The following TOX variants were observed in gnomAD, a reference collection of about 807,000 sequenced individuals.
The protein encoded by TOX is thymocyte selection associated high mobility group box, also known as thymocyte selection-associated high mobility group box protein TOX.
TOX carries 11 observed loss-of-function variants against 53.7 expected under a neutral mutation model. That is an observed-to-expected ratio of 0.20 (90% CI 0.13 to 0.34). The LOEUF (loss-of-function observed/expected upper bound fraction) is 0.34, where lower values mean the gene tolerates loss of function less well. Ranked by LOEUF, TOX falls within the 10% of genes least tolerant of loss-of-function variation. TOX has a pLI of 1.00. For synonymous variants in TOX, 225 were observed against 245.3 expected, an observed-to-expected ratio of 0.92 and a Z score of 0.77; for missense variants, 570 against 664.6, an observed-to-expected ratio of 0.86 and a Z score of 1.56.
rs749300182 is a variant in TOX at position 59,118,997 on chromosome 8, A to T, written c.-10T>A. On this transcript the variant is annotated 5_prime_UTR_variant, in exon 1 of 9. The change abolishes the stop of an existing upstream ORF in the 5' untranslated region. Transcript: ENST00000361421. The surrounding 1 kb of genome is among the most constrained non-coding windows in gnomAD (Gnocchi z 4.1). ...AAAATCTTACGTCCATTTCACTCTC[A>T]CATCAAGCAACTCCTTTTCTTTTTC... The T allele has an allele frequency of 1.9e-6, 3 of 1,565,656 alleles. No individual in the cohort carries two copies. Among genetic ancestry groups the T allele is most frequent in the South Asian group, 1.1e-5 (1 of 89,826 alleles).
intron 2 of TOX, among the ~76,000 whole-genome samples, chr8:58,947,917 A>G (rs1331915672): frequency 6.6e-6 from 1 of 152,252 alleles, no homozygotes; most frequent in Non-Finnish European, 1.5e-5. Flanking sequence ...CAGGTTCAAC[A>G]GCAAGGTCAG....
chr8:59,009,506 G>A (rs1813859648), intron 1 of TOX, among the ~76,000 whole-genome samples: 1 of 152,050 alleles, frequency 6.6e-6, no homozygotes, highest in Non-Finnish European at 1.5e-5. Context: ...CTGAGTAGCT[G>A]GGACTACAGA....
chr8:58,855,322 A>T (rs1810896218), intron 3 of TOX, among the ~76,000 whole-genome samples: 1 of 152,198 alleles, frequency 6.6e-6, no homozygotes, highest in African/African-American at 2.4e-5. Flanking sequence ...TGCTTGTGAG[A>T]CATTACTACT....
At chr8:58,965,894 GTTTTTTTTTTTTTTT>G (rs67045037) in intron 1 of TOX, among the ~76,000 whole-genome samples, 2 of 49,616 alleles carry the variant, frequency 4.0e-5, no homozygotes, top group East Asian at 8.1e-4. Flanking sequence ...ACGAGTCATC[GTTTTTTTTTTTTTTT>G]TTTTTTTTTT....
intron 1 of TOX, among the ~76,000 whole-genome samples, chr8:58,988,521 G>A (rs1034861686): frequency 2.6e-5 from 4 of 152,116 alleles, no homozygotes; most frequent in Non-Finnish European, 5.9e-5. Context: ...GATGAAACTA[G>A]GACAGATTAA....
At chr8:58,911,021 C>A (rs2129173892) in intron 3 of TOX, among the ~76,000 whole-genome samples, 1 of 152,218 alleles carries the variant, frequency 6.6e-6, no homozygotes, top group African/African-American at 2.4e-5. Context: ...TAAATTATTG[C>A]TTGGTAAAAT....
chr8:58,881,723 C>CAA (rs11316154), intron 3 of TOX, among the ~76,000 whole-genome samples: 14,708 of 82,442 alleles, frequency 0.18, 1,302 homozygotes, highest in African/African-American at 0.2. Flanking sequence ...GATTCCATCT[C>CAA]AAAAAAAAAA....
chr8:59,060,239 G>A (rs890147679), intron 1 of TOX, among the ~76,000 whole-genome samples: 33 of 152,042 alleles, frequency 2.2e-4, no homozygotes, highest in African/African-American at 1.2e-4. Flanking sequence ...TTTTCATGTG[G>A]ATTACTCAAA....
chr8:58,960,213 G>C (rs1289342543), intron 1 of TOX, among the ~76,000 whole-genome samples: 1 of 152,176 alleles, frequency 6.6e-6, no homozygotes, highest in Non-Finnish European at 1.5e-5. Context: ...CTGGATGTCA[G>C]TGATTTGGAG....
At chr8:58,816,637 T>C (rs181860619) in intron 6 of TOX, among the ~76,000 whole-genome samples, 1 of 152,224 alleles carries the variant, frequency 6.6e-6, no homozygotes, top group Non-Finnish European at 1.5e-5. Flanking sequence ...ATAAAATGGA[T>C]TGGAGAAAAA....
intron 3 of TOX, among the ~76,000 whole-genome samples, chr8:58,889,227 A>C (rs61174726): frequency 7.6e-5 from 10 of 132,114 alleles, no homozygotes; most frequent in East Asian, 2.0e-4. Flanking sequence ...AAAAAAAAAA[A>C]AAAAACAAAA....
chr8:59,107,046 T>TGC (rs35882293), intron 1 of TOX, among the ~76,000 whole-genome samples: 3 of 58,220 alleles, frequency 5.2e-5, no homozygotes, highest in South Asian at 5.0e-4. Flanking sequence ...AGCAGTTTGC[T>TGC]GGGGGGGGGG....
chr8:58,998,525 A>AAACT (rs1563413434), intron 1 of TOX, among the ~76,000 whole-genome samples: 36 of 58,796 alleles, frequency 6.1e-4, no homozygotes, highest in African/African-American at 2.8e-3. Flanking sequence ...ATATATATAT[A>AAACT]TATATATATA....
intron 5 of TOX, among the ~76,000 whole-genome samples, chr8:58,831,190 G>C (rs1399679162): frequency 6.6e-6 from 1 of 152,066 alleles, no homozygotes; most frequent in Non-Finnish European, 1.5e-5. Flanking sequence ...CCTGTTTCTG[G>C]AATGGTAAGA....
intron 3 of TOX, among the ~76,000 whole-genome samples, chr8:58,914,631 C>G (rs114269765): frequency 0.058 from 8,866 of 152,246 alleles, 326 homozygotes; most frequent in East Asian, 0.2. Flanking sequence ...CAGTATCCTT[C>G]TCCCCCACAA....
At chr8:59,059,260 TTAAAA>T (rs1803936849) in intron 1 of TOX, among the ~76,000 whole-genome samples, 1 of 152,142 alleles carries the variant, frequency 6.6e-6, no homozygotes, top group African/African-American at 2.4e-5. Context: ...ATCACCAAAA[TTAAAA>T]TAAAATTTAA....
At chr8:59,102,820 G>A (rs927468682) in intron 1 of TOX, among the ~76,000 whole-genome samples, 1 of 152,162 alleles carries the variant, frequency 6.6e-6, no homozygotes, top group African/African-American at 2.4e-5. Flanking sequence ...GGAAGTATGG[G>A]AGAAAGGAAT....
Position 59,033,165 on chromosome 8 carries a change from C to A in TOX, c.103-73157G>T, listed in dbSNP as rs115562606. Among the ~76,000 whole-genome samples the A allele has an allele frequency of 2.6e-3, 396 of 152,340 alleles. 2 individuals are homozygous for A. Among genetic ancestry groups the A allele is most frequent in the African/African-American group, 9.0e-3 (375 of 41,562 alleles). Reference sequence around the variant, plus strand: ...TGGCCAAAACTTGGCTATGCCCATACTCCTCTTAATTCCAGAGCATGACTC... The same window carrying A: ...TGGCCAAAACTTGGCTATGCCCATAATCCTCTTAATTCCAGAGCATGACTC... On this transcript the variant is annotated intron_variant, in intron 1 of 8. Coordinates refer to ENST00000361421, the MANE Select transcript of TOX (RefSeq NM_014729.3).
rs1585906864 is a variant in TOX, at chr8:58,929,043, T to A, written c.411+10259A>T. Among the ~76,000 whole-genome samples the A allele has an allele frequency of 2.0e-5, 3 of 152,112 alleles. No homozygotes were observed. In the South Asian group the frequency reaches 6.2e-4, roughly 31 times the overall value. The stretch of plus-strand genomic sequence containing the variant: ...CAAATGTAACACATTTTGAGAGGGT[T>A]TTTGCCTATCAAAAATAAAAATGCT... On this transcript the variant is annotated intron_variant, in intron 3 of 8. Coordinates refer to ENST00000361421, the MANE Select transcript of TOX (RefSeq NM_014729.3).
Sources: allele counts gnomAD v4.1 joint callset (sites outside exome capture counted in the v4.1 genomes callset), GRCh38; gene constraint gnomAD v4.1.1; non-coding constraint Gnocchi (gnomAD v3.1); transcripts MANE v1.5; gene names NCBI Gene and HGNC (gene_info 2026-07-23, HGNC 2026-07-21).